Variants in PXDNL observed in about 807,000 individuals in gnomAD.
PXDNL encodes probable oxidoreductase PXDNL.
A neutral mutation model predicts 150.8 loss-of-function variants in PXDNL; 145 were observed. That is an observed-to-expected ratio of 0.96 (90% confidence interval 0.84 to 1.10). The LOEUF (loss-of-function observed/expected upper bound fraction) is 1.10. Ranked by LOEUF, PXDNL falls within the 50% of genes least tolerant of loss-of-function variation. The pLI is 0.00. For missense variants in PXDNL, 2,087 were observed against 1,873.9 expected, an observed-to-expected ratio of 1.11 and a Z score of -2.10; for synonymous variants, 757 against 725.7, an observed-to-expected ratio of 1.04 and a Z score of -0.69.
intron 3 of PXDNL, among the ~76,000 whole-genome samples, chr8:51,583,299 T>C (rs1813250613): frequency 6.6e-6 from 1 of 152,186 alleles, no homozygotes; most frequent in South Asian, 2.1e-4. Flanking sequence ...AAGCTGACCA[T>C]CGTGGTGGAA....
chr8:51,482,916 CCTGTGTGAGTTTTCCACT>C (rs1810635418), intron 6 of PXDNL, among the ~76,000 whole-genome samples: 1 of 152,152 alleles, frequency 6.6e-6, no homozygotes, highest in South Asian at 2.1e-4. Flanking sequence ...GATGGATACA[CCTGTGTGAGTTTTCCACT>C]ATGTGCTCTC....
chr8:51,610,941 GA>G (rs144656149), intron 2 of PXDNL, among the ~76,000 whole-genome samples: 1 of 152,138 alleles, frequency 6.6e-6, no homozygotes, highest in East Asian at 1.9e-4. Context: ...CACTAAATAT[GA>G]AAAAAATCTC....
chr8:51,725,949 G>A (rs1001364285), intron 1 of PXDNL, among the ~76,000 whole-genome samples: 6 of 152,172 alleles, frequency 3.9e-5, no homozygotes, highest in Non-Finnish European at 2.9e-5. Flanking sequence ...TGGCCTCTAT[G>A]TTTTGGTTCA....
intron 2 of PXDNL, among the ~76,000 whole-genome samples, chr8:51,626,999 G>A (rs1196857116): frequency 3.3e-5 from 5 of 152,072 alleles, no homozygotes; most frequent in Non-Finnish European, 7.4e-5. Flanking sequence ...TCACAATAGA[G>A]ATTAAAAAAC....
chr8:51,479,676 G>T (rs374023903), intron 6 of PXDNL, among the ~76,000 whole-genome samples: 7 of 152,114 alleles, frequency 4.6e-5, no homozygotes, highest in Non-Finnish European at 8.8e-5. Context: ...GCACACGGAC[G>T]TAGGGAGTGA....
rs191537223 is a variant in PXDNL at position 51,577,137 on chromosome 8, G to A, written c.308+15490C>T. Among the ~76,000 whole-genome samples, 15 of 151,812 alleles carry A rather than the reference G, an allele frequency of 9.9e-5. No homozygotes were observed. In the East Asian group the frequency reaches 1.7e-3, roughly 18 times the overall value. On this transcript the variant is annotated intron_variant, in intron 3 of 22. Coordinates refer to ENST00000356297, the MANE Select transcript of PXDNL (RefSeq NM_144651.5). The stretch of plus-strand genomic sequence containing the variant: ...AAATAACAGAGAAAGAATACTTCTC[G>A]ATTCACTTTACAAAGTTAGTATTAA...
intron 3 of PXDNL, among the ~76,000 whole-genome samples, chr8:51,583,656 C>T (rs1263950628): frequency 6.6e-6 from 1 of 151,884 alleles, no homozygotes; most frequent in Admixed American, 6.6e-5. Context: ...CTTTTTTGCT[C>T]ACCACGACAT....
intron 12 of PXDNL, among the ~76,000 whole-genome samples, chr8:51,443,154 T>C (rs1370444856): frequency 1.3e-5 from 2 of 152,180 alleles, no homozygotes; most frequent in African/African-American, 4.8e-5. Context: ...ACATAAATTT[T>C]CATTAGTTAC....
chr8:51,769,213 C>T (rs1201974299), intron 1 of PXDNL, among the ~76,000 whole-genome samples: 2 of 152,194 alleles, frequency 1.3e-5, no homozygotes, highest in Admixed American at 6.5e-5. Flanking sequence ...ATGTGCCCAG[C>T]AGTTCATATG....
At chr8:51,735,528 T>TC (rs1817015525) in intron 1 of PXDNL, among the ~76,000 whole-genome samples, 1 of 2,096 alleles carries the variant, frequency 4.8e-4, no homozygotes, top group Non-Finnish European at 1.6e-3. Flanking sequence ...TAAAAATTGT[T>TC]TTTTTTTTTT....
chr8:51,333,432 G>T (rs1045668148), intron 21 of PXDNL, among the ~76,000 whole-genome samples: 4 of 151,920 alleles, frequency 2.6e-5, no homozygotes, highest in Admixed American at 2.6e-4. Flanking sequence ...AAGTTAAAAA[G>T]TAAAAGCAAA....
At chr8:51,624,798 T>C (rs148876759) in intron 2 of PXDNL, among the ~76,000 whole-genome samples, 169 of 151,378 alleles carry the variant, frequency 1.1e-3, no homozygotes, top group African/African-American at 3.8e-3. Context: ...AAGCCAGAGC[T>C]TAGGTGTCAT....
At chr8:51,559,637 C>T (rs1021294977) in intron 3 of PXDNL, among the ~76,000 whole-genome samples, 7 of 151,928 alleles carry the variant, frequency 4.6e-5, no homozygotes, top group African/African-American at 1.4e-4. Context: ...GGAATCCCCA[C>T]TTTTTACAGA....
intron 17 of PXDNL, among the ~76,000 whole-genome samples, chr8:51,378,127 C>A (rs1488405338): frequency 6.6e-6 from 1 of 152,096 alleles, no homozygotes; most frequent in Non-Finnish European, 1.5e-5. Flanking sequence ...CGTTGGAGAA[C>A]CTTTATGTCT....
intron 6 of PXDNL, among the ~76,000 whole-genome samples, chr8:51,483,400 C>T (rs373555681): frequency 7.3e-4 from 111 of 152,216 alleles, no homozygotes; most frequent in South Asian, 1.2e-3. Context: ...TACAGAGAAA[C>T]GAGGAAAACG....
chr8:51,585,089 G>T (rs1027418568), intron 3 of PXDNL, among the ~76,000 whole-genome samples: 4 of 152,122 alleles, frequency 2.6e-5, no homozygotes, highest in African/African-American at 9.7e-5. Context: ...TATTTAGTTT[G>T]GATGACTGTA....
intron 3 of PXDNL, among the ~76,000 whole-genome samples, chr8:51,574,117 T>C (rs888549457): frequency 6.6e-6 from 1 of 151,944 alleles, no homozygotes; most frequent in Non-Finnish European, 1.5e-5. Flanking sequence ...GATTATATAA[T>C]AGAGATTTTT....
intron 12 of PXDNL, among the ~76,000 whole-genome samples, chr8:51,439,883 CTACTGGA>C (rs1297367345): frequency 1.3e-5 from 2 of 151,592 alleles, no homozygotes; most frequent in East Asian, 3.9e-4. Context: ...AACAATTCCC[CTACTGGA>C]TATTTACCCA....
chr8:51,442,794 G>A (rs142804952), intron 12 of PXDNL, among the ~76,000 whole-genome samples: 20 of 151,756 alleles, frequency 1.3e-4, no homozygotes, highest in South Asian at 1.0e-3. Context: ...TTGTATTTTC[G>A]TGTGGATACG....
Sources: allele counts gnomAD v4.1 joint callset (sites outside exome capture counted in the v4.1 genomes callset), GRCh38; gene constraint gnomAD v4.1.1; transcripts MANE v1.5; gene names NCBI Gene and HGNC (gene_info 2026-07-23, HGNC 2026-07-21).